ST18: variants seen among roughly 807,000 people sequenced by gnomAD.
ST18 encodes the protein ST18 C2H2C-type zinc finger transcription factor, also known as suppression of tumorigenicity 18 protein.
In ST18, 50 loss-of-function variants were observed where a neutral mutation model predicts 110.0. That is an observed-to-expected ratio of 0.45 (90% CI 0.36 to 0.58). ST18 has a LOEUF of 0.58. ST18 is among the 20% of genes least tolerant of loss of function. ST18 has a pLI of 0.00. For synonymous variants in ST18, 461 were observed against 452.4 expected (o/e 1.02, Z -0.24); for missense variants, 1,306 against 1,280.1 (o/e 1.02, Z -0.31).
chr8:52,160,086 A>G (rs1192921561), intron 14 of ST18, among the ~76,000 whole-genome samples: 4 of 152,248 alleles, frequency 2.6e-5, no homozygotes, highest in Non-Finnish European at 4.4e-5. Context: ...ACTTTTAAAA[A>G]TCAATGTCCG....
intron 3 of ST18, among the ~76,000 whole-genome samples, chr8:52,228,140 C>A (rs2090133921): frequency 6.6e-6 from 1 of 152,148 alleles, no homozygotes; most frequent in South Asian, 2.1e-4. Context: ...TTGAAAACAT[C>A]AGCTCCCAAC....
intron 15 of ST18, among the ~76,000 whole-genome samples, chr8:52,157,845 A>T (rs548775617): frequency 3.3e-5 from 5 of 152,268 alleles, no homozygotes; most frequent in Admixed American, 6.5e-5. Flanking sequence ...GCAGCTGACC[A>T]TGCCGGGGAC....
At chr8:52,132,663 C>T (rs1295223753) in intron 21 of ST18, among the ~76,000 whole-genome samples, 1 of 152,182 alleles carries the variant, frequency 6.6e-6, no homozygotes, top group Non-Finnish European at 1.5e-5. Flanking sequence ...ACAACTTAAT[C>T]TATATCTGCA....
chr8:52,389,915 G>A (rs1269246980), intron 2 of ST18, among the ~76,000 whole-genome samples: 1 of 152,046 alleles, frequency 6.6e-6, no homozygotes, highest in South Asian at 2.1e-4. Context: ...GCATTTTTCC[G>A]TATATTTACT....
rs896766308 is a variant in ST18, at chr8:52,144,033, T to G, written c.2053-988A>C. Among the ~76,000 whole-genome samples the G allele has an allele frequency of 1.1e-4, 16 of 152,158 alleles. No homozygotes were observed. The East Asian group carries it at 3.1e-3, about 29-fold the overall frequency. ...CCTGGATGGAATTTCTTGTTGGATA[T>G]TCCTAATTTTCATGCCCTTCTCTTA... On this transcript the variant is annotated intron_variant, in intron 16 of 25. Transcript: ENST00000689386.
chr8:52,320,069 G>A (rs531934341), intron 2 of ST18, among the ~76,000 whole-genome samples: 1 of 152,186 alleles, frequency 6.6e-6, no homozygotes, highest in Non-Finnish European at 1.5e-5. Context: ...TGAGAGGAAT[G>A]TCAAGAAAAT....
chr8:52,388,780 A>C (rs1457275651), intron 2 of ST18, among the ~76,000 whole-genome samples: 1 of 132,924 alleles, frequency 7.5e-6, no homozygotes, highest in East Asian at 2.3e-4. Context: ...ACACATGGAC[A>C]CAGGAAGGGG....
chr8:52,216,646 G>C (rs762981486), intron 6 of ST18, among the ~76,000 whole-genome samples: 45 of 152,196 alleles, frequency 3.0e-4, no homozygotes, highest in Admixed American at 1.2e-3. Context: ...TCGGTGTGGA[G>C]AGTTTATCGC....
chr8:52,356,119 T>C (rs918825302), intron 2 of ST18, among the ~76,000 whole-genome samples: 1 of 152,110 alleles, frequency 6.6e-6, no homozygotes, highest in Admixed American at 6.5e-5. Flanking sequence ...GTTGGATGTA[T>C]GTTCTGAAAA....
chr8:52,194,889 T>G (rs1189501896), intron 8 of ST18: 1 of 152,186 alleles, frequency 6.6e-6, no homozygotes, highest in Non-Finnish European at 1.5e-5. Context: ...AATCCTCACA[T>G]GGACCAAAGT....
intron 2 of ST18, among the ~76,000 whole-genome samples, chr8:52,370,978 G>A (rs905889312): frequency 6.6e-6 from 1 of 152,188 alleles, no homozygotes; most frequent in Non-Finnish European, 1.5e-5. Context: ...TTGGGCTCTG[G>A]AGTCAGATAA....
intron 2 of ST18, among the ~76,000 whole-genome samples, chr8:52,339,810 T>C (rs898175834): frequency 2.0e-5 from 3 of 152,360 alleles, no homozygotes; most frequent in Admixed American, 6.5e-5. Context: ...CTATTTTAGT[T>C]ATTTGGATGC....
chr8:52,249,552 T>C (rs1490930629), intron 2 of ST18: 1 of 152,130 alleles, frequency 6.6e-6, no homozygotes, highest in African/African-American at 2.4e-5. Flanking sequence ...CCAATCTCAT[T>C]AGCTGCCAGG....
intron 3 of ST18, among the ~76,000 whole-genome samples, chr8:52,227,276 C>T (rs1166793446): frequency 6.6e-6 from 1 of 152,108 alleles, no homozygotes; most frequent in East Asian, 1.9e-4. Context: ...GATTGCCATG[C>T]TAGACAGTGG....
chr8:52,243,078 TA>T (rs2093571254), intron 2 of ST18, among the ~76,000 whole-genome samples: 1 of 152,190 alleles, frequency 6.6e-6, no homozygotes, highest in African/African-American at 2.4e-5. Flanking sequence ...TTCGATCTAA[TA>T]TGTAGCATCA....
In ST18 at chr8:52,128,565, T is replaced by TA. The variant is rs1453082609; in HGVS notation, c.2667-2426dup. ...AAGCAAGGTTTGAAGGTAGTTATTA[T>TA]ATAAATATAATATGGATATAGTGTG... On this transcript the variant is annotated intron_variant, in intron 22 of 25. Transcript: ENST00000689386. Among the ~76,000 whole-genome samples the TA allele has an allele frequency of 2.0e-5, 3 of 152,202 alleles. No homozygotes were observed. In the East Asian group the frequency reaches 5.8e-4, roughly 29 times the overall value.
At chr8:52,303,319 T>G (rs1449427713) in intron 2 of ST18, among the ~76,000 whole-genome samples, 2 of 152,240 alleles carry the variant, frequency 1.3e-5, no homozygotes, top group Admixed American at 6.5e-5. Flanking sequence ...TTGCCTCCTT[T>G]GTTATGTTGC....
intron 2 of ST18, among the ~76,000 whole-genome samples, chr8:52,367,378 G>A (rs1366406056): frequency 1.3e-5 from 2 of 151,478 alleles, no homozygotes; most frequent in Non-Finnish European, 2.9e-5. Context: ...GCCAATATCG[G>A]TCCACTGCAC....
At chr8:52,118,567 A>G (rs1359866559) in intron 23 of ST18, 126 bp from the exon 24 acceptor site, 4 of 524,820 alleles carry the variant, frequency 7.6e-6, no homozygotes, top group Non-Finnish European at 1.3e-5. Context: ...AAAACAATGC[A>G]TATCTAGGAT....
Sources: allele counts gnomAD v4.1 joint callset (sites outside exome capture counted in the v4.1 genomes callset), GRCh38; gene constraint gnomAD v4.1.1; transcripts MANE v1.5; gene names NCBI Gene and HGNC (gene_info 2026-07-23, HGNC 2026-07-21).